Variants in NFILZ observed in about 807,000 individuals in gnomAD.
The protein encoded by NFILZ is NFIL3 like protein.
intron 1 of NFILZ, among the ~76,000 whole-genome samples, chr19:8,631,830 TTGTGTGTG>T (rs71179868): frequency 2.7e-5 from 4 of 145,898 alleles, no homozygotes; most frequent in African/African-American, 7.7e-5. Context: ...GTCCTCGCTT[TTGTGTGTG>T]TGTGTGTGTG....
At chr19:8,664,314 G>A (rs1363001940) in intron 3 of NFILZ, among the ~76,000 whole-genome samples, 1 of 152,190 alleles carries the variant, frequency 6.6e-6, no homozygotes, top group African/African-American at 2.4e-5. Context: ...CTTTGGCAGA[G>A]CAGGGACTGG....
chr19:8,666,189 A>C (rs781960803), intron 3 of NFILZ, among the ~76,000 whole-genome samples: 1 of 152,086 alleles, frequency 6.6e-6, no homozygotes, highest in Non-Finnish European at 1.5e-5. Context: ...AAGTCTTCAT[A>C]GGAGACTATG....
chr19:8,638,460 C>T (rs2042904902), intron 3 of NFILZ: 1 of 152,226 alleles, frequency 6.6e-6, no homozygotes, highest in East Asian at 1.9e-4. Context: ...GGGCGAATTG[C>T]CCAACTTCTC....
At chr19:8,665,977 C>T (rs184235389) in intron 3 of NFILZ, among the ~76,000 whole-genome samples, 1 of 152,194 alleles carries the variant, frequency 6.6e-6, no homozygotes, top group Non-Finnish European at 1.5e-5. Context: ...ACCCTCTGGC[C>T]ACATGGGTGG....
At chr19:8,645,225 C>A (rs1468756068) in intron 3 of NFILZ, among the ~76,000 whole-genome samples, 1 of 152,014 alleles carries the variant, frequency 6.6e-6, no homozygotes, top group Non-Finnish European at 1.5e-5. Flanking sequence ...CCTCAAACTC[C>A]TGGGCTCAAG....
At chr19:8,644,292 G>A (rs10413704) in intron 3 of NFILZ, among the ~76,000 whole-genome samples, 1,857 of 152,022 alleles carry the variant, frequency 0.012, 41 homozygotes, top group African/African-American at 0.043. Flanking sequence ...GTAGAGACAG[G>A]GTTTCACTAT....
At chr19:8,664,115 G>A (rs1354663486) in intron 3 of NFILZ, among the ~76,000 whole-genome samples, 2 of 152,164 alleles carry the variant, frequency 1.3e-5, no homozygotes, top group African/African-American at 4.8e-5. Flanking sequence ...CAGCCCTGAC[G>A]TCACATCAGA....
rs1383633511 is a variant in NFILZ, at chr19:8,642,900, C to T, written c.-164+7154C>T. ...CTCCCCAATCTGTCACACATGTTTG[C>T]TGGCGAGTGGTTGGGTGTTGAATCG... On this transcript the variant is annotated intron_variant, in intron 3 of 5. Coordinates refer to ENST00000691075, the MANE Select transcript of NFILZ (RefSeq NM_001378600.1). 4.6e-5 allele frequency among the ~76,000 whole-genome samples: 7 copies of T among 151,252 alleles called. No homozygotes were observed. The East Asian group carries it at 1.4e-3, about 29-fold the overall frequency.
intron 3 of NFILZ, among the ~76,000 whole-genome samples, chr19:8,647,938 C>T (rs562666465): frequency 2.0e-4 from 30 of 151,188 alleles, no homozygotes; most frequent in Admixed American, 4.6e-4. Context: ...TTTGGGAGGC[C>T]GAGGCGGGTG....
chr19:8,643,406 A>G (rs2042926911), intron 3 of NFILZ, among the ~76,000 whole-genome samples: 1 of 152,234 alleles, frequency 6.6e-6, no homozygotes, highest in Admixed American at 6.5e-5. Flanking sequence ...TTATGTGTCA[A>G]CTTGACTGGG....
chr19:8,678,650 C>A lies in NFILZ; in HGVS notation c.*1015C>A, dbSNP rs989461493. On this transcript the variant is annotated 3_prime_UTR_variant, in exon 6 of 6. Coordinates refer to ENST00000691075, the MANE Select transcript of NFILZ (RefSeq NM_001378600.1). The stretch of plus-strand genomic sequence containing the variant: ...CCATTTACCCATCCATCCATCCATC[C>A]TCACCCATCCATCTACACATCCTTC... 7.2e-5 allele frequency among the ~76,000 whole-genome samples: 11 copies of A among 151,976 alleles called. No homozygotes were observed. The highest frequency in any genetic ancestry group is 1.5e-5 in the Non-Finnish European group (1 of 67,976).
intron 3 of NFILZ, among the ~76,000 whole-genome samples, chr19:8,664,258 C>T (rs1408533329): frequency 6.6e-6 from 1 of 152,200 alleles, no homozygotes; most frequent in African/African-American, 2.4e-5. Context: ...TTTCACAGTT[C>T]AAAGAACTGA....
In NFILZ at chr19:8,670,339, T is replaced by C. The variant is rs1415165799; in HGVS notation, c.-163-4212T>C. Among the ~76,000 whole-genome samples, 3 of 152,298 alleles carry C rather than the reference T, an allele frequency of 2.0e-5. No individual in the cohort carries two copies. In the East Asian group the frequency reaches 5.8e-4, roughly 29 times the overall value. ...CTGGTCTTGAACTCCTAGGCTCAAG[T>C]GATCCACCTACCTTGGCCTCCCAAA... On this transcript the variant is annotated intron_variant, in intron 3 of 5. Transcript: ENST00000691075.
At chr19:8,664,580 G>T (rs1207580243) in intron 3 of NFILZ, among the ~76,000 whole-genome samples, 1 of 152,144 alleles carries the variant, frequency 6.6e-6, no homozygotes, top group African/African-American at 2.4e-5. Context: ...GATCGGTTTC[G>T]CTGGGGGCTT....
In NFILZ at chr19:8,673,927, G is replaced by A. The variant is rs191609466; in HGVS notation, c.-163-624G>A. On this transcript the variant is annotated intron_variant, in intron 3 of 5. Coordinates refer to ENST00000691075, the MANE Select transcript of NFILZ (RefSeq NM_001378600.1). ...GCAATCTTGGCTCACTGCAACCTCC[G>A]CCTCCCGGGTTCAAGTGATTCTCCT... 5.9e-5 allele frequency among the ~76,000 whole-genome samples: 9 copies of A among 152,250 alleles called. 1 individual carries two copies. In the East Asian group the frequency reaches 1.4e-3, roughly 23 times the overall value.
At chr19:8,653,034 TTCTTTCTCTC>T (rs1180606187) in intron 3 of NFILZ, among the ~76,000 whole-genome samples, 76 of 57,490 alleles carry the variant, frequency 1.3e-3, no homozygotes, top group African/African-American at 4.6e-3. Flanking sequence ...CTTTCTTTCT[TTCTTTCTCTC>T]TCTCTCTCTC....
At chr19:8,632,962 A>T (rs1273407440) in intron 2 of NFILZ, among the ~76,000 whole-genome samples, 3 of 148,800 alleles carry the variant, frequency 2.0e-5, no homozygotes, top group Admixed American at 1.3e-4. Flanking sequence ...ACCTCAGGTG[A>T]TCCGCCTGCC....
At chr19:8,647,253 CG>C (rs2042942753) in intron 3 of NFILZ, among the ~76,000 whole-genome samples, 2 of 151,940 alleles carry the variant, frequency 1.3e-5, no homozygotes, top group Admixed American at 6.6e-5. Flanking sequence ...ACATACACAC[CG>C]TGGAATACTA....
intron 3 of NFILZ, among the ~76,000 whole-genome samples, chr19:8,637,215 G>A (rs782753905): frequency 1.3e-5 from 2 of 151,952 alleles, no homozygotes; most frequent in African/African-American, 4.8e-5. Flanking sequence ...GTGTGATGAC[G>A]CACACATATA....
Sources: allele counts gnomAD v4.1 joint callset (sites outside exome capture counted in the v4.1 genomes callset), GRCh38; gene constraint gnomAD v4.1.1; transcripts MANE v1.5; gene names NCBI Gene and HGNC (gene_info 2026-07-23, HGNC 2026-07-21).